Variants in CEP57 observed in about 807,000 individuals in gnomAD.
CEP57 encodes centrosomal protein 57.
In CEP57, 40 loss-of-function variants were observed where a neutral mutation model predicts 68.0. That is an observed-to-expected ratio of 0.59 (90% CI 0.46 to 0.77). CEP57 has a LOEUF of 0.77. Among genes scored for constraint, CEP57 ranks in the 30% least tolerant of loss-of-function variants. The pLI, the probability that CEP57 is intolerant of heterozygous loss-of-function variation, is 0.00. For missense variants in CEP57, 606 were observed against 580.7 expected (o/e 1.04, Z -0.45); for synonymous variants, 219 against 198.7 (o/e 1.10, Z -0.86).
chr11:95,819,008 T>C, intron 6 of CEP57, 104 bp downstream of exon 6: 1 of 866,752 alleles, frequency 1.2e-6, no homozygotes, highest in South Asian at 1.5e-5. Flanking sequence ...TATTTTAGAA[T>C]AGTCCAACAT....
chr11:95,813,382 C>T (rs1298202777), intron 3 of CEP57, 86 bp from the exon 4 acceptor site: 14 of 1,486,678 alleles, frequency 9.4e-6, no homozygotes, highest in East Asian at 2.3e-5. Flanking sequence ...TTATTGTATA[C>T]ACAATAGATC....
intron 2 of CEP57, among the ~76,000 whole-genome samples, chr11:95,800,381 T>G (rs1393119077): frequency 6.6e-6 from 1 of 150,806 alleles, no homozygotes; most frequent in Non-Finnish European, 1.5e-5. Flanking sequence ...TCTCTCATGT[T>G]TCTTTTTTTT....
chr11:95,803,102 A>G (rs1320618419), intron 2 of CEP57, among the ~76,000 whole-genome samples: 2 of 152,152 alleles, frequency 1.3e-5, no homozygotes, highest in Non-Finnish European at 2.9e-5. Context: ...AGAACAGGAG[A>G]CTGATTAAGG....
At chr11:95,792,484 A>G (rs1861132770) in intron 1 of CEP57, among the ~76,000 whole-genome samples, 1 of 152,264 alleles carries the variant, frequency 6.6e-6, no homozygotes, top group Non-Finnish European at 1.5e-5. Flanking sequence ...TCTCCATAAA[A>G]TAAAATATTA....
At position 95,799,393 on chromosome 11, in the gene CEP57, T is replaced by C; in HGVS notation, c.202+5T>C. ...ATCCAGAAAGCAACAGCAGAGGTAA[T>C]CGAGCCTAACGAAATAAATGTTATT... On this transcript the variant is annotated splice_donor_5th_base_variant and intron_variant, in intron 2 of 10. Transcript: ENST00000325542. The C allele has an allele frequency of 4.3e-6, 7 of 1,613,854 alleles. No homozygotes were observed. The highest frequency in any genetic ancestry group is 5.9e-6 in the Non-Finnish European group (7 of 1,179,824).
Position 95,813,120 on chromosome 11 carries a change from A to T in CEP57, c.382+9A>T. ...ATCAAAGCACAATCAAGGTTTGTTG[A>T]TGAAGAAAATTAAAATTCTATCAAA... On this transcript the variant is annotated intron_variant, in intron 3 of 10. Transcript: ENST00000325542. The T allele has an allele frequency of 6.2e-7, 1 of 1,610,524 alleles. No homozygotes were observed. Among genetic ancestry groups the T allele is most frequent in the Non-Finnish European group, 8.5e-7 (1 of 1,178,698 alleles).
chr11:95,806,494 G>T (rs1421626583), intron 2 of CEP57, among the ~76,000 whole-genome samples: 1 of 152,160 alleles, frequency 6.6e-6, no homozygotes, highest in Admixed American at 6.5e-5. Flanking sequence ...TTGACACACA[G>T]TACCTGGAAA....
At chr11:95,803,053 G>T (rs1352125751) in intron 2 of CEP57, among the ~76,000 whole-genome samples, 1 of 152,146 alleles carries the variant, frequency 6.6e-6, no homozygotes, top group Non-Finnish European at 1.5e-5. Flanking sequence ...AGGGACTGAG[G>T]TTTACATCAG....
upstream of CEP57, chr11:95,790,346 G>A (rs1204733834): frequency 7.2e-6 from 3 of 415,936 alleles, no homozygotes; most frequent in Non-Finnish European, 8.8e-6. Flanking sequence ...TCCCCGCAGA[G>A]CCGGCCTGTA....
At chr11:95,798,694 A>G (rs1299548758) in intron 1 of CEP57, among the ~76,000 whole-genome samples, 1 of 152,214 alleles carries the variant, frequency 6.6e-6, no homozygotes, top group East Asian at 1.9e-4. Flanking sequence ...CTGTGGAAAT[A>G]AAGTTTTATG....
intron 1 of CEP57, among the ~76,000 whole-genome samples, chr11:95,794,617 C>T (rs1861256812): frequency 1.3e-5 from 2 of 151,848 alleles, no homozygotes; most frequent in Non-Finnish European, 2.9e-5. Flanking sequence ...ATGTCCTTTG[C>T]CTGTTTTTGT....
intron 2 of CEP57, among the ~76,000 whole-genome samples, chr11:95,808,783 TAGAC>T (rs1276073287): frequency 1.6e-4 from 25 of 152,212 alleles, no homozygotes; most frequent in East Asian, 1.2e-3. Context: ...CTGTCAACAT[TAGAC>T]AGATCAGCGA....
intron 4 of CEP57, among the ~76,000 whole-genome samples, chr11:95,817,544 A>T (rs914603880): frequency 3.3e-5 from 5 of 152,182 alleles, no homozygotes; most frequent in African/African-American, 1.2e-4. Context: ...CCCAGAGCAT[A>T]AAGATAATGT....
chr11:95,800,259 T>A (rs1861516606), intron 2 of CEP57, among the ~76,000 whole-genome samples: 2 of 152,238 alleles, frequency 1.3e-5, no homozygotes, highest in African/African-American at 4.8e-5. Context: ...GTCATTGCAG[T>A]ACTGAGATTC....
chr11:95,806,764 G>C (rs957615423), intron 2 of CEP57, among the ~76,000 whole-genome samples: 2 of 152,232 alleles, frequency 1.3e-5, no homozygotes, highest in African/African-American at 4.8e-5. Context: ...AAAGAGGCCT[G>C]CCTGCCTCTG....
chr11:95,820,015 G>A (rs1485122010), intron 6 of CEP57, among the ~76,000 whole-genome samples: 3 of 152,252 alleles, frequency 2.0e-5, no homozygotes, highest in East Asian at 1.9e-4. Context: ...CCACTTCACT[G>A]TGTTTCCATT....
chr11:95,808,621 A>G (rs965461623), intron 2 of CEP57, among the ~76,000 whole-genome samples: 1 of 152,222 alleles, frequency 6.6e-6, no homozygotes, highest in Admixed American at 6.5e-5. Context: ...AGGCCATTAC[A>G]TAATGGTAAA....
intron 2 of CEP57, among the ~76,000 whole-genome samples, chr11:95,806,872 G>T (rs1565316966): frequency 6.6e-6 from 1 of 152,160 alleles, no homozygotes; most frequent in Non-Finnish European, 1.5e-5. Context: ...AGAGAGCAGT[G>T]GTTTTCCCAG....
At chr11:95,792,163 G>A (rs1301177106) in intron 1 of CEP57, among the ~76,000 whole-genome samples, 2 of 152,124 alleles carry the variant, frequency 1.3e-5, no homozygotes, top group African/African-American at 4.8e-5. Flanking sequence ...AAGGAAAGCA[G>A]CAATTTAAGG....
Sources: allele counts gnomAD v4.1 joint callset (sites outside exome capture counted in the v4.1 genomes callset), GRCh38; gene constraint gnomAD v4.1.1; transcripts MANE v1.5; gene names NCBI Gene and HGNC (gene_info 2026-07-23, HGNC 2026-07-21).